Variants in RBPMS observed in about 807,000 individuals in gnomAD.
RBPMS encodes the protein RNA-binding protein with multiple splicing.
A neutral mutation model predicts 26.8 loss-of-function variants in RBPMS; 7 were observed. That is an observed-to-expected ratio of 0.26 (90% CI 0.15 to 0.49). RBPMS has a LOEUF of 0.49. Ranked by LOEUF, RBPMS falls within the 20% of genes least tolerant of loss-of-function variation. The probability of loss-of-function intolerance (pLI) is 0.98; values close to 1 mark genes in which losing one functional copy is unlikely to be tolerated. For synonymous variants in RBPMS, 96 were observed against 93.3 expected (o/e 1.03, Z -0.17); for missense variants, 186 against 250.0 (o/e 0.74, Z 1.73).
At chr8:30,458,989 G>A (rs1000068754) in intron 1 of RBPMS, among the ~76,000 whole-genome samples, 2 of 145,916 alleles carry the variant, frequency 1.4e-5, no homozygotes, top group Non-Finnish European at 3.0e-5. Context: ...TTGAGACGGA[G>A]TCTCACTCTT....
At chr8:30,501,985 T>C (rs1820602992) in intron 4 of RBPMS, among the ~76,000 whole-genome samples, 1 of 152,206 alleles carries the variant, frequency 6.6e-6, no homozygotes, top group Non-Finnish European at 1.5e-5. Flanking sequence ...GTTTTTGGCT[T>C]GGCTAATCCC....
chr8:30,476,051 G>T (rs1016034451), intron 2 of RBPMS, among the ~76,000 whole-genome samples: 1 of 152,118 alleles, frequency 6.6e-6, no homozygotes, highest in Non-Finnish European at 1.5e-5. Context: ...AACTTTTAAC[G>T]CAAATTGATC....
intron 1 of RBPMS, among the ~76,000 whole-genome samples, chr8:30,408,222 G>A (rs890948049): frequency 6.6e-6 from 1 of 152,094 alleles, no homozygotes; most frequent in African/African-American, 2.4e-5. Context: ...ACGAATGGCA[G>A]ATTCCTTTTC....
rs879197450 is a variant in RBPMS at position 30,385,173 on chromosome 8, G to C, written c.66+15G>C. 1 of 1,472,556 alleles carries C rather than the reference G, an allele frequency of 6.8e-7. No individual in the cohort carries two copies. Among genetic ancestry groups the C allele is most frequent in the South Asian group, 1.4e-5 (1 of 73,784 alleles). The allele number at this position is 1,472,556 out of a possible 1,614,324, so 91.2% of individuals were successfully genotyped here. A position where few individuals can be genotyped will look rare whatever the true frequency, so the allele number is the denominator to read the frequency against. ...AGGAGGAGGAGGTACTGGGCGGCTC[G>C]GTGTGGTGGCGGGGGCGACGCGGGA... On this transcript the variant is annotated intron_variant, in intron 1 of 8. Transcript: ENST00000397323.
chr8:30,480,543 T>C (rs1318486609), intron 4 of RBPMS, among the ~76,000 whole-genome samples: 2 of 152,218 alleles, frequency 1.3e-5, no homozygotes, highest in African/African-American at 4.8e-5. Context: ...TAGGAACATC[T>C]TAGGATTCCA....
intron 4 of RBPMS, among the ~76,000 whole-genome samples, chr8:30,498,485 G>C (rs1820212893): frequency 6.6e-6 from 1 of 152,212 alleles, no homozygotes; most frequent in African/African-American, 2.4e-5. Flanking sequence ...AGGATGGGGA[G>C]AGACTCCAAA....
chr8:30,532,944 TG>T (rs1322203887), intron 5 of RBPMS, among the ~76,000 whole-genome samples: 1 of 152,164 alleles, frequency 6.6e-6, no homozygotes, highest in Admixed American at 6.6e-5. Flanking sequence ...GCCTGAAATC[TG>T]GGCTGGAAAC....
At chr8:30,485,314 C>T (rs1818665341) in intron 4 of RBPMS, among the ~76,000 whole-genome samples, 1 of 152,154 alleles carries the variant, frequency 6.6e-6, no homozygotes, top group South Asian at 2.1e-4. Context: ...ATCTCAACTC[C>T]CATGGCCCCC....
At chr8:30,391,278 C>T (rs534590258) in intron 1 of RBPMS, among the ~76,000 whole-genome samples, 84 of 152,288 alleles carry the variant, frequency 5.5e-4, no homozygotes, top group African/African-American at 2.0e-3. Context: ...ACCTTTTGGA[C>T]GAGGGCTTCC....
At chr8:30,466,228 C>A (rs1259331423) in intron 1 of RBPMS, among the ~76,000 whole-genome samples, 2 of 152,096 alleles carry the variant, frequency 1.3e-5, no homozygotes, top group African/African-American at 4.8e-5. Context: ...ATGGCTTTTT[C>A]TTTTAGAAAG....
chr8:30,446,504 G>GTGTA (rs1813786737), intron 1 of RBPMS, among the ~76,000 whole-genome samples: 1 of 152,180 alleles, frequency 6.6e-6, no homozygotes, highest in East Asian at 1.9e-4. Context: ...CTAATAGTGC[G>GTGTA]TGTATGTGTG....
chr8:30,526,651 A>T (rs1823624896), intron 5 of RBPMS, among the ~76,000 whole-genome samples: 2 of 152,234 alleles, frequency 1.3e-5, no homozygotes, highest in East Asian at 3.8e-4. Context: ...CATTCCAGTC[A>T]AAAGGAAGAA....
intron 1 of RBPMS, among the ~76,000 whole-genome samples, chr8:30,440,285 C>A (rs1812928961): frequency 6.6e-6 from 1 of 151,986 alleles, no homozygotes. Context: ...ATTGTTGCTC[C>A]ACAACTTTTA....
At chr8:30,546,306 A>G (rs1234574779) in intron 6 of RBPMS, among the ~76,000 whole-genome samples, 2 of 152,236 alleles carry the variant, frequency 1.3e-5, no homozygotes, top group Non-Finnish European at 2.9e-5. Flanking sequence ...AGTCAGCAAC[A>G]AAGCCTTTCA....
intron 5 of RBPMS, among the ~76,000 whole-genome samples, chr8:30,539,670 G>C (rs1239910979): frequency 3.3e-5 from 5 of 149,362 alleles, no homozygotes; most frequent in African/African-American, 1.2e-4. Flanking sequence ...CTGTCGCCCA[G>C]GCTGGAGTGC....
intron 5 of RBPMS, among the ~76,000 whole-genome samples, chr8:30,520,392 T>C (rs138648399): frequency 2.9e-3 from 448 of 152,306 alleles, no homozygotes; most frequent in Non-Finnish European, 5.2e-3. Flanking sequence ...TTGAGTATCA[T>C]CGTGAACTCG....
chr8:30,438,827 G>A lies in RBPMS; in HGVS notation c.67-35952G>A, dbSNP rs140762983. On this transcript the variant is annotated intron_variant, in intron 1 of 8. Transcript: ENST00000397323. ...TTGCTCTGCCAGCCCCGGCTGGAGT[G>A]CAGTGGTGCAATCTCAGCTCACTGT... 3.1e-3 allele frequency among the ~76,000 whole-genome samples: 465 copies of A among 152,176 alleles called. 1 individual carries two copies. The highest frequency in any genetic ancestry group is 0.01 in the African/African-American group (418 of 41,508).
chr8:30,497,291 C>A (rs577770474), intron 4 of RBPMS, among the ~76,000 whole-genome samples: 1 of 152,244 alleles, frequency 6.6e-6, no homozygotes, highest in East Asian at 1.9e-4. Flanking sequence ...GCCTGTAATC[C>A]CAACACTTTG....
At chr8:30,531,410 T>G (rs545731701) in intron 5 of RBPMS, among the ~76,000 whole-genome samples, 1 of 152,344 alleles carries the variant, frequency 6.6e-6, no homozygotes, top group Admixed American at 6.5e-5. Flanking sequence ...TGAAAAAAGA[T>G]TTCAGACTGA....
Sources: gnomAD v4.1 joint callset for allele counts (sites outside exome capture counted in the v4.1 genomes callset) on GRCh38, gnomAD v4.1.1 for gene constraint, MANE v1.5 for transcripts, NCBI Gene and HGNC (gene_info 2026-07-23, HGNC 2026-07-21) for gene names.